EFCAB6: variants seen among roughly 807,000 people sequenced by gnomAD.
The protein encoded by EFCAB6 is EF-hand calcium binding domain 6, also known as EF-hand calcium-binding domain-containing protein 6.
Under a neutral mutation model 169.8 loss-of-function variants are expected in EFCAB6, and 156 were observed. The observed-to-expected ratio is 0.92, with a 90% CI of 0.81 to 1.05. The LOEUF (loss-of-function observed/expected upper bound fraction) is 1.05, where lower values mean the gene tolerates loss of function less well. Ranked by LOEUF, EFCAB6 falls within the 50% of genes least tolerant of loss-of-function variation. EFCAB6 has a pLI of 0.00. For synonymous variants in EFCAB6, 698 were observed against 676.4 expected, an observed-to-expected ratio of 1.03 and a Z score of -0.50; for missense variants, 1,800 against 1,829.1, an observed-to-expected ratio of 0.98 and a Z score of 0.29.
chr22:43,638,153 G>A (rs1240969540), intron 17 of EFCAB6, among the ~76,000 whole-genome samples: 1 of 152,160 alleles, frequency 6.6e-6, no homozygotes, highest in East Asian at 1.9e-4. Context: ...CAGATGCAAA[G>A]GCCTCTGATG....
chr22:43,776,825 T>C (rs868558213), intron 3 of EFCAB6, among the ~76,000 whole-genome samples: 23 of 152,102 alleles, frequency 1.5e-4, no homozygotes, highest in African/African-American at 5.1e-4. Context: ...CAAAGTGCAA[T>C]GGAAAGGCTC....
In EFCAB6 at chr22:43,723,234, G is replaced by C. The variant is rs2059602005; in HGVS notation, c.758-6262C>G. On this transcript the variant is annotated intron_variant, in intron 8 of 31. Coordinates refer to ENST00000262726, the MANE Select transcript of EFCAB6 (RefSeq NM_022785.4). ...TGAGATGAAATCTACTCCTGGTAAA[G>C]ATGCTATGAACATTGTTAAAATGAC... Among the ~76,000 whole-genome samples the C allele has an allele frequency of 2.0e-5, 3 of 152,328 alleles. No individual in the cohort carries two copies. In the South Asian group the frequency reaches 6.2e-4, roughly 32 times the overall value.
chr22:43,566,245 C>G, intron 26 of EFCAB6, among the ~76,000 whole-genome samples: 1 of 152,196 alleles, frequency 6.6e-6, no homozygotes, highest in East Asian at 1.9e-4. Flanking sequence ...GCAGTTTCAC[C>G]AGATTTCCAG....
chr22:43,771,323 G>A (rs865882036), intron 4 of EFCAB6, among the ~76,000 whole-genome samples: 2 of 152,052 alleles, frequency 1.3e-5, no homozygotes, highest in Middle Eastern at 3.2e-3. Flanking sequence ...CCCACTATTC[G>A]GGAGGCTGAG....
intron 18 of EFCAB6, among the ~76,000 whole-genome samples, chr22:43,632,501 T>A (rs2055049850): frequency 6.6e-6 from 1 of 152,154 alleles, no homozygotes; most frequent in African/African-American, 2.4e-5. Context: ...GGTTTCATCA[T>A]GTTGGCCAGG....
chr22:43,570,440 C>T (rs996579123), intron 26 of EFCAB6, among the ~76,000 whole-genome samples: 2 of 152,064 alleles, frequency 1.3e-5, no homozygotes, highest in Non-Finnish European at 2.9e-5. Flanking sequence ...TAAACAGGAA[C>T]GATTTTCTAA....
intron 4 of EFCAB6, among the ~76,000 whole-genome samples, chr22:43,770,570 A>T (rs12160615): frequency 6.6e-6 from 1 of 152,362 alleles, no homozygotes; most frequent in African/African-American, 2.4e-5. Context: ...TTAAATGGAA[A>T]TTCTACAACT....
At chr22:43,716,153 C>T (rs1033996837) in intron 9 of EFCAB6, among the ~76,000 whole-genome samples, 26 of 152,180 alleles carry the variant, frequency 1.7e-4, no homozygotes, top group African/African-American at 5.8e-4. Context: ...ACATTACTTA[C>T]ATTTAAATTG....
intron 3 of EFCAB6, among the ~76,000 whole-genome samples, chr22:43,778,596 A>G (rs2061711447): frequency 6.6e-6 from 1 of 152,178 alleles, no homozygotes; most frequent in Admixed American, 6.5e-5. Flanking sequence ...TAGGCAGTAA[A>G]GCAGAGAGAG....
At position 43,534,878 on chromosome 22, in the gene EFCAB6, G is replaced by GA; in HGVS notation, c.4049-7dup. On this transcript the variant is annotated splice_polypyrimidine_tract_variant and splice_region_variant and intron_variant, in intron 29 of 31. Coordinates refer to ENST00000262726, the MANE Select transcript of EFCAB6 (RefSeq NM_022785.4). ...GTTGAATTTCTCCACAAGAGCTACA[G>GA]AAAAAAATGGCAGTTCAATTGGTGG... 1.3e-6 allele frequency: 2 copies of GA among 1,589,934 alleles called. No homozygotes were observed. Among genetic ancestry groups the GA allele is most frequent in the Non-Finnish European group, 1.7e-6 (2 of 1,170,258 alleles).
At chr22:43,612,510 A>C (rs181142279) in intron 21 of EFCAB6, among the ~76,000 whole-genome samples, 1 of 152,332 alleles carries the variant, frequency 6.6e-6, no homozygotes, top group Non-Finnish European at 1.5e-5. Flanking sequence ...GCCAACAATC[A>C]TATGAAAAAA....
intron 20 of EFCAB6, among the ~76,000 whole-genome samples, chr22:43,623,980 G>A (rs1382314266): frequency 6.6e-6 from 1 of 151,932 alleles, no homozygotes; most frequent in Non-Finnish European, 1.5e-5. Context: ...TGGTGGTGGA[G>A]GTGGAACAGG....
intron 3 of EFCAB6, among the ~76,000 whole-genome samples, chr22:43,778,372 C>A (rs969575933): frequency 6.6e-6 from 1 of 152,160 alleles, no homozygotes; most frequent in Non-Finnish European, 1.5e-5. Flanking sequence ...CGAGGTTTTG[C>A]ACAAGTTCGG....
intron 17 of EFCAB6, among the ~76,000 whole-genome samples, chr22:43,643,955 C>T (rs1247049377): frequency 6.6e-6 from 1 of 151,826 alleles, no homozygotes; most frequent in Non-Finnish European, 1.5e-5. Context: ...TCCTGAGTAG[C>T]TGGGACTACA....
At chr22:43,730,961 G>A (rs2059926661) in intron 8 of EFCAB6, among the ~76,000 whole-genome samples, 1 of 152,140 alleles carries the variant, frequency 6.6e-6, no homozygotes. Flanking sequence ...AAACCACACA[G>A]AGACAACCCA....
intron 27 of EFCAB6, among the ~76,000 whole-genome samples, chr22:43,546,848 G>A (rs1321559555): frequency 6.6e-6 from 1 of 151,244 alleles, no homozygotes; most frequent in Non-Finnish European, 1.5e-5. Flanking sequence ...ACTCCAGCCT[G>A]GGTGACAGAG....
In EFCAB6 at chr22:43,782,175, C is replaced by T. The variant is rs1200181996; in HGVS notation, c.139+5G>A. The T allele has an allele frequency of 6.2e-7, 1 of 1,610,760 alleles. No individual in the cohort carries two copies. Among genetic ancestry groups the T allele is most frequent in the Non-Finnish European group, 8.5e-7 (1 of 1,178,778 alleles). ...TAGTGTTCTTATTTGCTCATGAATA[C>T]TTACTTGAAGAAGATCTGAACTTAT... On this transcript the variant is annotated splice_donor_5th_base_variant and intron_variant, in intron 3 of 31. Transcript: ENST00000262726.
intron 3 of EFCAB6, among the ~76,000 whole-genome samples, chr22:43,780,988 C>T (rs992847829): frequency 6.6e-6 from 1 of 152,214 alleles, no homozygotes; most frequent in African/African-American, 2.4e-5. Context: ...TTGGCTCACG[C>T]TACTTGAATT....
chr22:43,765,500 C>T (rs1053697716), intron 4 of EFCAB6, 107 bp from the exon 5 acceptor site: 4 of 766,876 alleles, frequency 5.2e-6, no homozygotes, highest in Middle Eastern at 2.5e-4. Flanking sequence ...ACAGAGAATA[C>T]TATTAACAGG....
Sources: gnomAD v4.1 joint callset for allele counts (sites outside exome capture counted in the v4.1 genomes callset) on GRCh38, gnomAD v4.1.1 for gene constraint, MANE v1.5 for transcripts, NCBI Gene and HGNC (gene_info 2026-07-23, HGNC 2026-07-21) for gene names.